Variants in DLG2 observed in about 807,000 individuals in gnomAD.
DLG2 encodes the protein disks large homolog 2.
DLG2 carries 45 observed loss-of-function variants against 132.5 expected under a neutral mutation model. That is an observed-to-expected ratio of 0.34 (90% CI 0.27 to 0.44). The LOEUF (loss-of-function observed/expected upper bound fraction) is 0.44. Ranked by LOEUF, DLG2 falls within the 20% of genes least tolerant of loss-of-function variation. The pLI, the probability that DLG2 is intolerant of heterozygous loss-of-function variation, is 1.00. For missense variants in DLG2, 1,045 were observed against 1,196.9 expected, an observed-to-expected ratio of 0.87 and a Z score of 1.87; for synonymous variants, 424 against 419.6, an observed-to-expected ratio of 1.01 and a Z score of -0.13.
At chr11:84,685,712 C>CT (rs767748974) in intron 6 of DLG2, among the ~76,000 whole-genome samples, 6,292 of 146,706 alleles carry the variant, frequency 0.043, 140 homozygotes, top group African/African-American at 0.049. Context: ...TTTCTGTATC[C>CT]TTTTTTTTTT....
intron 19 of DLG2, among the ~76,000 whole-genome samples, chr11:83,584,871 T>C (rs533742582): frequency 6.6e-6 from 1 of 152,214 alleles, no homozygotes; most frequent in Admixed American, 6.5e-5. Context: ...CAGTCAACTG[T>C]AGGTGCTGGG....
intron 8 of DLG2, among the ~76,000 whole-genome samples, chr11:84,173,720 C>T (rs10792728): frequency 0.64 from 97,565 of 151,998 alleles, 33,472 homozygotes; most frequent in Middle Eastern, 0.83. Context: ...CACTATTATA[C>T]AAAAGTTGAA....
At chr11:83,494,412 T>G (rs2094035727) in intron 21 of DLG2, among the ~76,000 whole-genome samples, 1 of 151,062 alleles carries the variant, frequency 6.6e-6, no homozygotes, top group Non-Finnish European at 1.5e-5. Flanking sequence ...CTGTCCTAGC[T>G]CTATTCTCAA....
intron 3 of DLG2, among the ~76,000 whole-genome samples, chr11:85,510,983 CAATGATAGACTGGATTA>C (rs1444326814): frequency 6.6e-6 from 1 of 152,080 alleles, no homozygotes; most frequent in Non-Finnish European, 1.5e-5. Flanking sequence ...AAGTGTCCAT[CAATGATAGACTGGATTA>C]AGAAAATGTG....
chr11:83,465,702 T>G (rs994154787), intron 26 of DLG2, among the ~76,000 whole-genome samples: 6 of 152,234 alleles, frequency 3.9e-5, no homozygotes, highest in Non-Finnish European at 5.9e-5. Flanking sequence ...AAAGAGTACA[T>G]GAACAGCTTT....
chr11:85,323,834 CA>C (rs2081253088), intron 3 of DLG2, among the ~76,000 whole-genome samples: 1 of 152,184 alleles, frequency 6.6e-6, no homozygotes, highest in Admixed American at 6.5e-5. Flanking sequence ...GACAGAATTC[CA>C]TTCTTTTTAT....
chr11:83,721,766 C>G (rs1217537152), intron 18 of DLG2, among the ~76,000 whole-genome samples: 1 of 152,120 alleles, frequency 6.6e-6, no homozygotes, highest in African/African-American at 2.4e-5. Context: ...TTGAGAAATT[C>G]CACATATGCA....
intron 7 of DLG2, among the ~76,000 whole-genome samples, chr11:84,462,654 GAA>G (rs1422126159): frequency 1.3e-5 from 2 of 151,070 alleles, no homozygotes; most frequent in African/African-American, 4.8e-5. Context: ...CCAAAGAAAT[GAA>G]AAGACAATAG....
At chr11:84,698,947 C>T (rs1207695879) in intron 6 of DLG2, among the ~76,000 whole-genome samples, 1 of 151,544 alleles carries the variant, frequency 6.6e-6, no homozygotes, top group Non-Finnish European at 1.5e-5. Flanking sequence ...CACTGCGTTG[C>T]TATTTTTAAA....
chr11:83,950,908 A>G (rs1000108095), intron 14 of DLG2, among the ~76,000 whole-genome samples: 1 of 151,904 alleles, frequency 6.6e-6, no homozygotes, highest in Non-Finnish European at 1.5e-5. Flanking sequence ...TTTTGGGTTT[A>G]TTTGCCTGCC....
At chr11:84,638,688 C>A (rs1284184314) in intron 6 of DLG2, among the ~76,000 whole-genome samples, 1 of 152,076 alleles carries the variant, frequency 6.6e-6, no homozygotes, top group Non-Finnish European at 1.5e-5. Context: ...GTAGAAGGAA[C>A]AGAGGAAATC....
At chr11:85,560,603 G>C (rs2077184714) in intron 3 of DLG2, among the ~76,000 whole-genome samples, 1 of 151,728 alleles carries the variant, frequency 6.6e-6, no homozygotes, top group Admixed American at 6.6e-5. Flanking sequence ...TATGATGATG[G>C]GAATGCTCTA....
At chr11:85,625,504 G>C (rs1173976429) in intron 2 of DLG2, among the ~76,000 whole-genome samples, 1 of 152,158 alleles carries the variant, frequency 6.6e-6, no homozygotes, top group Non-Finnish European at 1.5e-5. Flanking sequence ...TGTTCCAAAA[G>C]TTTTATATAT....
At chr11:84,742,274 G>A (rs976980856) in intron 6 of DLG2, among the ~76,000 whole-genome samples, 2 of 152,098 alleles carry the variant, frequency 1.3e-5, no homozygotes, top group Admixed American at 1.3e-4. Flanking sequence ...AAGAGTCATA[G>A]ACATTCAGAT....
intron 22 of DLG2, chr11:83,480,769 T>C (rs2093038979): frequency 3.0e-6 from 2 of 675,966 alleles, no homozygotes. Context: ...TGACTGAGTG[T>C]TTTCTTGACT....
chr11:84,030,362 TCCC>T (rs1773107668), intron 11 of DLG2, among the ~76,000 whole-genome samples: 1 of 152,054 alleles, frequency 6.6e-6, no homozygotes, highest in Non-Finnish European at 1.5e-5. Context: ...TTTGAATAAC[TCCC>T]CCAATTTTCC....
At chr11:85,383,823 C>T (rs927956020) in intron 3 of DLG2, among the ~76,000 whole-genome samples, 2 of 152,184 alleles carry the variant, frequency 1.3e-5, no homozygotes, top group Admixed American at 6.5e-5. Context: ...ATATTAATAA[C>T]TTCCCTATAG....
chr11:83,540,355 T>C (rs1279175162), intron 20 of DLG2, among the ~76,000 whole-genome samples: 1 of 152,162 alleles, frequency 6.6e-6, no homozygotes, highest in Non-Finnish European at 1.5e-5. Flanking sequence ...CAGAATGCCC[T>C]GGAAAAGCAA....
chr11:84,053,736 A>G (rs2096446513), intron 11 of DLG2, among the ~76,000 whole-genome samples: 1 of 152,002 alleles, frequency 6.6e-6, no homozygotes, highest in African/African-American at 2.4e-5. Context: ...GAAGATATCC[A>G]GGAACTTCTT....
Sources: gnomAD v4.1 joint callset for allele counts (sites outside exome capture counted in the v4.1 genomes callset) on GRCh38, gnomAD v4.1.1 for gene constraint, MANE v1.5 for transcripts, NCBI Gene and HGNC (gene_info 2026-07-23, HGNC 2026-07-21) for gene names.